TTN: variants seen among roughly 807,000 people sequenced by gnomAD.
TTN encodes the protein titin.
In TTN, 1,525 loss-of-function variants were observed where a neutral mutation model predicts 3,223.0. The ratio of observed to expected loss-of-function variants is 0.47; its 90% CI spans 0.45 to 0.49. TTN has a LOEUF of 0.49. TTN is among the 20% of genes least tolerant of loss of function. The pLI is 0.00. For missense variants in TTN, 40,786 were observed against 43,424.0 expected, an observed-to-expected ratio of 0.94 and a Z score of 5.40; for synonymous variants, 14,094 against 15,161.0, an observed-to-expected ratio of 0.93 and a Z score of 5.17.
In TTN at chr2:178,536,485, C is replaced by T; in HGVS notation, c.100262G>A (p.Gly33421Asp). The T allele has an allele frequency of 6.3e-7, 1 of 1,577,370 alleles. No individual in the cohort carries two copies. Among genetic ancestry groups the T allele is most frequent in the Non-Finnish European group, 8.6e-7 (1 of 1,161,514 alleles). The change falls in exon 357 of 363, where the codon GGT (glycine) becomes GAT (aspartate). Residue 33421 changes from glycine to aspartate, a missense_variant. Transcript: ENST00000589042. Reference protein sequence around the residue: ...VAWKPPASDGGAKIRNYYLEK... With the variant: ...VAWKPPASDGDAKIRNYYLEK... ...AAGGTAGTAATTTCTAATCTTTGCA[C>T]CTCCATCACTGGCAGGTGGCTTCCA...
At chr2:178,713,636 A>G in intron 92 of TTN, 1 of 693,862 alleles carries the variant, frequency 1.4e-6, no homozygotes, top group South Asian at 2.4e-5. Context: ...ATTTCAGCAT[A>G]AATGAAGACT....
At position 178,588,188 on chromosome 2, in the gene TTN, C is replaced by T; in HGVS notation, c.63219G>A (p.Val21073=). 6.3e-7 allele frequency: 1 copy of T among 1,591,230 alleles called. No homozygotes were observed. Among genetic ancestry groups the T allele is most frequent in the Non-Finnish European group, 8.6e-7 (1 of 1,164,218 alleles). Residue 21073 remains valine (V), a synonymous_variant, in exon 305 of 363, where the codon GTG becomes GTA. Coordinates refer to ENST00000589042, the MANE Select transcript of TTN (RefSeq NM_001267550.2). ...EPPGPPTNFR[V]VDTTKHSITL... The stretch of plus-strand genomic sequence containing the variant: ...TTATGGAATGTTTGGTTGTATCAAC[C>T]ACTCTGAAATTGGTTGGTGGACCAG...
chr2:178,646,350 G>A (rs2062000122), intron 216 of TTN, 135 bp downstream of exon 216: 2 of 529,868 alleles, frequency 3.8e-6, no homozygotes, highest in Non-Finnish European at 6.4e-6. Context: ...CTAAGAATGA[G>A]GCTCACATTT....
chr2:178,647,037 AATGT>A, intron 215 of TTN, 23 bp downstream of exon 215: 2 of 843,324 alleles, frequency 2.4e-6, no homozygotes, highest in Non-Finnish European at 3.1e-6. Flanking sequence ...AGATTAAAAA[AATGT>A]ATATATATAT....
chr2:178,574,401 T>C lies in TTN; in HGVS notation c.71731A>G (p.Lys23911Glu), dbSNP rs763131148. ...VIAENMAGKS[K>E]PSKPSEPMLA... ...ATAGGTTCTGATGGCTTGCTTGGCT[T>C]ACTTTTGCCTGCCATGTTTTCTGCA... is the stretch of plus-strand genomic sequence containing the variant. Residue 23911 changes from lysine (K) to glutamate (E), a missense_variant, in exon 326 of 363, where the codon AAG becomes GAG. Lys to Glu is a moderately conservative substitution (Grantham distance 56). Transcript: ENST00000589042. 3.0e-5 allele frequency: 49 copies of C among 1,613,448 alleles called. No individual in the cohort carries two copies. Among genetic ancestry groups the C allele is most frequent in the Non-Finnish European group, 4.0e-5 (47 of 1,179,632 alleles).
In TTN at chr2:178,739,305, A is replaced by T; in HGVS notation, c.13928T>A (p.Leu4643Gln). The T allele has an allele frequency of 6.2e-7, 1 of 1,613,530 alleles. No individual in the cohort carries two copies. Among genetic ancestry groups the T allele is most frequent in the Non-Finnish European group, 8.5e-7 (1 of 1,179,628 alleles). The part of the protein sequence containing the change: ...KEVNWYFENK[L>Q]VPSDEKFKCL... Reference sequence around the variant, plus strand: ...CTTGAACTTTTCATCTGAAGGCACCAGTTTATTCTCAAAATACCAATTCAC... The same window carrying T: ...CTTGAACTTTTCATCTGAAGGCACCTGTTTATTCTCAAAATACCAATTCAC... Residue 4643 changes from leucine (L) to glutamine (Q), a missense_variant, in exon 48 of 363, where the codon CTG becomes CAG. Leu to Gln is a moderately radical substitution (Grantham distance 113). Transcript: ENST00000589042.
In TTN at chr2:178,714,448, T is replaced by C. The variant is rs746071731; in HGVS notation, c.26326A>G (p.Ile8776Val). 2.5e-6 allele frequency: 4 copies of C among 1,613,578 alleles called. No homozygotes were observed. In the Admixed American group the frequency reaches 6.7e-5, roughly 27 times the overall value. ...CATATGTTGTCACTTTCTCTAACGA[T>C]TTCTCCCTTATCTTTGAACCACACC... is the stretch of plus-strand genomic sequence containing the variant. The part of the protein sequence containing the change: ...SVVWFKDKGE[I>V]VRESDNIWIS... Residue 8776 changes from isoleucine to valine, a missense_variant, in exon 91 of 363, where the codon ATC (isoleucine) becomes GTC (valine). Coordinates refer to ENST00000589042, the MANE Select transcript of TTN (RefSeq NM_001267550.2).
intron 218 of TTN, 41 bp downstream of exon 218, chr2:178,644,507 G>A: frequency 6.9e-7 from 1 of 1,448,222 alleles, no homozygotes; most frequent in Non-Finnish European, 9.3e-7. Flanking sequence ...GTCAGGTAAA[G>A]GGGTACTACA....
chr2:178,740,308 T>C lies in TTN; in HGVS notation c.12925A>G (p.Asn4309Asp). ...TCTTGCCCTGCATTTTCCAGTGGATTTGCACTTTCTATCAAAATTTTACCT... is the reference window on the plus strand; with the variant it reads ...TCTTGCCCTGCATTTTCCAGTGGATCTGCACTTTCTATCAAAATTTTACCT... Reference protein sequence around the residue: ...EGGKILIESANPLENAGQDSA... With the variant: ...EGGKILIESADPLENAGQDSA... Residue 4309 changes from asparagine (N) to aspartate (D), a missense_variant, in exon 48 of 363, where the codon AAT becomes GAT. Asn to Asp is a conservative substitution (Grantham distance 23). Transcript: ENST00000589042. 6.2e-7 allele frequency: 1 copy of C among 1,613,720 alleles called. No homozygotes were observed. Among genetic ancestry groups the C allele is most frequent in the Non-Finnish European group, 8.5e-7 (1 of 1,179,806 alleles).
chr2:178,741,649 G>T lies in TTN; in HGVS notation c.11584C>A (p.Pro3862Thr), dbSNP rs375406698. The T allele has an allele frequency of 1.8e-5, 29 of 1,613,696 alleles. No individual in the cohort carries two copies. Among genetic ancestry groups the T allele is most frequent in the Admixed American group, 3.3e-5 (2 of 59,976 alleles). Residue 3862 changes from proline to threonine, a missense_variant, in exon 48 of 363, where the codon CCT (proline) becomes ACT (threonine). Pro to Thr is a conservative substitution (Grantham distance 38). Transcript: ENST00000589042. Reference protein sequence around the residue: ...QWFFNGVLLTPSADYKFVFDG... With the variant: ...QWFFNGVLLTTSADYKFVFDG... ...AAAACAAATTTGTAGTCAGCAGAAG[G>T]GGTTAATAGCACTCCATTAAAGAAC... is the stretch of plus-strand genomic sequence containing the variant.
At chr2:178,788,756 T>C (rs553418938) in intron 13 of TTN, among the ~76,000 whole-genome samples, 1 of 152,184 alleles carries the variant, frequency 6.6e-6, no homozygotes, top group South Asian at 2.1e-4. Flanking sequence ...GGCTTATGTG[T>C]AATTGTTCTG....
chr2:178,720,695 C>A (rs773044192), intron 79 of TTN, 32 bp from the exon 80 acceptor site: 6 of 1,536,098 alleles, frequency 3.9e-6, no homozygotes, highest in Non-Finnish European at 5.2e-6. Flanking sequence ...ACAATGAGAA[C>A]ACTTGCTTAC....
Position 178,561,012 on chromosome 2 carries a change from C to T in TTN, c.85120G>A (p.Val28374Ile). 6.2e-7 allele frequency: 1 copy of T among 1,613,818 alleles called. No individual in the cohort carries two copies. Among genetic ancestry groups the T allele is most frequent in the African/African-American group, 1.3e-5 (1 of 75,012 alleles). ...RDVIVVKAGE[V>I]LKINADIAGR... ...GCAATGTCTGCATTTATCTTAAGGA[C>T]CTCTCCAGCTTTGACAACAATAACG... Residue 28374 changes from valine to isoleucine, a missense_variant, in exon 326 of 363, where the codon GTC becomes ATC. Transcript: ENST00000589042.
chr2:178,799,420 A>T (rs1248176674), intron 6 of TTN, 67 bp downstream of exon 6: 1 of 1,610,818 alleles, frequency 6.2e-7, no homozygotes, highest in African/African-American at 1.3e-5. Context: ...GGGACAAGGG[A>T]ATCTTTCTCG....
In TTN at chr2:178,696,170, T is replaced by A; in HGVS notation, c.30902A>T (p.Glu10301Val). The change falls in exon 114 of 363, where the codon GAG (glutamate) becomes GTG (valine). Residue 10301 changes from glutamate to valine, a missense_variant. Transcript: ENST00000589042. ...EVQKEKEAVY[E>V]KKQAVHKEKR... ...CTCCTTGTGGACTGCTTGCTTTTTC[T>A]CATACACAGCTTCTTTTTCTTTCTG... 6.4e-7 allele frequency: 1 copy of A among 1,557,788 alleles called. No individual in the cohort carries two copies. The highest frequency in any genetic ancestry group is 8.7e-7 in the Non-Finnish European group (1 of 1,149,362).
rs1443494879 is a variant in TTN at position 178,620,112 on chromosome 2, TC to T, written c.46305-1del. 1 of 1,607,906 alleles carries T rather than the reference TC, an allele frequency of 6.2e-7. No homozygotes were observed. The highest frequency in any genetic ancestry group is 8.5e-7 in the Non-Finnish European group (1 of 1,177,762). Reference sequence around the variant, plus strand: ...TACTTCCATCTTTTTCAAATTTGTATCTAAAGGAGACATTGGATTATCAGTT... The same window carrying T: ...TACTTCCATCTTTTTCAAATTTGTATTAAAGGAGACATTGGATTATCAGTT... On this transcript the variant is annotated splice_acceptor_variant, in intron 248 of 362. Transcript: ENST00000589042. LOFTEE classifies it high-confidence loss of function.
Position 178,592,689 on chromosome 2 carries a change from T to G in TTN, c.59345-29A>C, listed in dbSNP as rs1270389111. On this transcript the variant is annotated intron_variant, in intron 300 of 362. Coordinates refer to ENST00000589042, the MANE Select transcript of TTN (RefSeq NM_001267550.2). ...GAATAAAGAGAACAGAACACTCAGATTTGATCCATAATGCAGATTACAATT... is the reference window on the plus strand; with the variant it reads ...GAATAAAGAGAACAGAACACTCAGAGTTGATCCATAATGCAGATTACAATT... 19 of 1,611,888 alleles carry G rather than the reference T, an allele frequency of 1.2e-5. No individual in the cohort carries two copies. The African/African-American group carries it at 1.7e-4, about 15-fold the overall frequency.
Position 178,790,826 on chromosome 2 carries a change from A to T in TTN, c.1682T>A (p.Ile561Lys). The T allele has an allele frequency of 1.2e-6, 2 of 1,614,150 alleles. No individual in the cohort carries two copies. Among genetic ancestry groups the T allele is most frequent in the Non-Finnish European group, 1.7e-6 (2 of 1,179,984 alleles). Reference sequence around the variant, plus strand: ...AACTACCACCATGGATGCAGCAGTTATCTCAGTTTCCTGTCTTATCTGATG... The same window carrying T: ...AACTACCACCATGGATGCAGCAGTTTTCTCAGTTTCCTGTCTTATCTGATG... ...TQEAIRQETE[I>K]TAASMVVVAT... Residue 561 changes from isoleucine (I) to lysine (K), a missense_variant, in exon 11 of 363, where the codon ATA becomes AAA. Coordinates refer to ENST00000589042, the MANE Select transcript of TTN (RefSeq NM_001267550.2).
Position 178,731,327 on chromosome 2 carries a change from A to G in TTN, c.17439T>C (p.Cys5813=), listed in dbSNP as rs773942803. The change falls in exon 59 of 363, where the codon TGT becomes TGC. Residue 5813 remains cysteine (C), a synonymous_variant. Transcript: ENST00000589042. ...AACCTTTTACTGAGAGTAATGCAGA[A>G]CATCTTTGTATTCCTGCATCATTTT... ...QAKNDAGIQR[C]SALLSVKEPA... is the part of the protein sequence containing the mutation. 1 of 1,613,802 alleles carries G rather than the reference A, an allele frequency of 6.2e-7. No individual in the cohort carries two copies. Among genetic ancestry groups the G allele is most frequent in the South Asian group, 1.1e-5 (1 of 91,074 alleles).
Sources: allele counts gnomAD v4.1 joint callset (sites outside exome capture counted in the v4.1 genomes callset), GRCh38; gene constraint gnomAD v4.1.1; transcripts MANE v1.5; gene names NCBI Gene and HGNC (gene_info 2026-07-23, HGNC 2026-07-21).